BPTF: variants seen among roughly 807,000 people sequenced by gnomAD.
The protein encoded by BPTF is nucleosome-remodeling factor subunit BPTF.
Under a neutral mutation model 292.5 loss-of-function variants are expected in BPTF, and 18 were observed. The observed-to-expected ratio is 0.06, with a 90% CI of 0.04 to 0.09. The LOEUF is 0.09. BPTF is among the 10% of genes least tolerant of loss of function. The pLI is 1.00. For missense variants in BPTF, 2,726 were observed against 3,498.7 expected (o/e 0.78, Z 5.57); for synonymous variants, 1,225 against 1,251.9 (o/e 0.98, Z 0.45).
chr17:67,940,366 G>A (rs745666969), intron 18 of BPTF, 73 bp from the exon 19 acceptor site: 1 of 1,275,312 alleles, frequency 7.8e-7, no homozygotes, highest in Non-Finnish European at 1.1e-6. Context: ...GTTCATGTGA[G>A]GTGTTGAATT....
At position 67,891,851 on chromosome 17, in the gene BPTF, T is replaced by A. The variant is rs1406939707; in HGVS notation, c.1872T>A (p.Asp624Glu). The A allele has an allele frequency of 6.3e-7, 1 of 1,589,396 alleles. No individual in the cohort carries two copies. The highest frequency in any genetic ancestry group is 1.4e-5 in the African/African-American group (1 of 73,586). The change falls in exon 5 of 28, where the codon GAT (aspartate) becomes GAA (glutamate). Residue 624 changes from aspartate (D) to glutamate (E), a missense_variant. Physicochemically the swap from Asp to Glu is conservative, Grantham distance 45. Transcript: ENST00000306378. ...DPEQGKSEVGDFKSEKSNGEL... is the reference protein window; with the variant it reads ...DPEQGKSEVGEFKSEKSNGEL... ...GGCCTATTCATTTGACAGTAGGTGA[T>A]TTCAAATCGGAGAAGTCCAACGGGG...
intron 7 of BPTF, among the ~76,000 whole-genome samples, chr17:67,901,150 C>A (rs2146563468): frequency 6.6e-6 from 1 of 151,852 alleles, no homozygotes; most frequent in South Asian, 2.1e-4. Context: ...ACAGAAGAAG[C>A]AAATCAGTAG....
chr17:67,944,948 T>G (rs893335177), intron 20 of BPTF, among the ~76,000 whole-genome samples: 16 of 152,024 alleles, frequency 1.1e-4, no homozygotes, highest in Non-Finnish European at 2.1e-4. Context: ...CTTCCCAGTT[T>G]CAGAGCGTCC....
chr17:67,829,855 A>C, intron 1 of BPTF, among the ~76,000 whole-genome samples: 1 of 152,184 alleles, frequency 6.6e-6, no homozygotes. Flanking sequence ...TAATACAAGA[A>C]ATAACTCAGT....
intron 3 of BPTF, 83 bp downstream of exon 3, chr17:67,866,770 G>A (rs1376177813): frequency 8.9e-7 from 1 of 1,126,566 alleles, no homozygotes; most frequent in African/African-American, 1.6e-5. Context: ...TTTGAAAATA[G>A]ATTAAAATTT....
intron 23 of BPTF, among the ~76,000 whole-genome samples, chr17:67,953,504 C>T (rs1460016821): frequency 6.6e-6 from 1 of 151,886 alleles, no homozygotes; most frequent in African/African-American, 2.4e-5. Flanking sequence ...GTGATCCACC[C>T]ACTGCAGCCT....
intron 23 of BPTF, among the ~76,000 whole-genome samples, chr17:67,953,661 C>T (rs1347270737): frequency 4.6e-5 from 7 of 151,012 alleles, no homozygotes; most frequent in Non-Finnish European, 8.8e-5. Flanking sequence ...CTGCAATCTC[C>T]ACCTCCCAGG....
chr17:67,865,262 T>C (rs1047980479), intron 2 of BPTF, among the ~76,000 whole-genome samples: 9 of 152,250 alleles, frequency 5.9e-5, no homozygotes, highest in African/African-American at 1.9e-4. Context: ...TTATCTGTGA[T>C]TTAATATAGG....
chr17:67,869,827 C>CTAAAAAAAAAAAAAA (rs2059606190), intron 3 of BPTF, among the ~76,000 whole-genome samples: 1 of 56,446 alleles, frequency 1.8e-5, no homozygotes, highest in Non-Finnish European at 3.5e-5. Flanking sequence ...ACTAAAAATA[C>CTAAAAAAAAAAAAAA]AAAAAAAAAA....
At chr17:67,879,554 T>G (rs772374289) in intron 4 of BPTF, among the ~76,000 whole-genome samples, 5 of 152,204 alleles carry the variant, frequency 3.3e-5, no homozygotes, top group Non-Finnish European at 7.3e-5. Context: ...GCTATCTTAG[T>G]CCATTTGTGT....
intron 26 of BPTF, among the ~76,000 whole-genome samples, chr17:67,969,779 A>G (rs1555689833): frequency 6.6e-6 from 1 of 152,072 alleles, no homozygotes; most frequent in African/African-American, 2.4e-5. Flanking sequence ...CCTGGGCAAC[A>G]TAGTGAGATC....
chr17:67,920,730 G>A (rs751610967), intron 13 of BPTF, among the ~76,000 whole-genome samples: 7 of 152,096 alleles, frequency 4.6e-5, no homozygotes, highest in Non-Finnish European at 1.0e-4. Context: ...AGCTAAGAGA[G>A]TAATATTGGA....
At chr17:67,935,801 G>A (rs930954964) in intron 18 of BPTF, among the ~76,000 whole-genome samples, 2 of 152,128 alleles carry the variant, frequency 1.3e-5, no homozygotes, top group African/African-American at 4.8e-5. Context: ...GTTTCAGTGA[G>A]CCAAGATTGC....
At chr17:67,866,325 A>G (rs2059388858) in intron 2 of BPTF, 139 bp from the exon 3 acceptor site, 1 of 663,102 alleles carries the variant, frequency 1.5e-6, no homozygotes, top group Non-Finnish European at 2.6e-6. Context: ...TTTGAGTGAG[A>G]CCTGCAGGGT....
chr17:67,871,160 A>G (rs2059707777), intron 3 of BPTF, among the ~76,000 whole-genome samples: 1 of 152,134 alleles, frequency 6.6e-6, no homozygotes, highest in Non-Finnish European at 1.5e-5. Context: ...TATTTTTGAT[A>G]GTTAAATTTT....
chr17:67,959,097 G>C (rs2067222122), intron 23 of BPTF, among the ~76,000 whole-genome samples: 1 of 152,156 alleles, frequency 6.6e-6, no homozygotes, highest in Admixed American at 6.6e-5. Flanking sequence ...GCTTTATGCT[G>C]GTCAGACCAC....
chr17:67,909,783 G>C, intron 10 of BPTF, 22 bp downstream of exon 10: 1 of 1,513,890 alleles, frequency 6.6e-7, no homozygotes. Context: ...CAGCTGTGGA[G>C]GGCAGCCTGG....
At chr17:67,847,438 G>A (rs928875926) in intron 1 of BPTF, among the ~76,000 whole-genome samples, 2 of 151,882 alleles carry the variant, frequency 1.3e-5, no homozygotes, top group East Asian at 1.9e-4. Flanking sequence ...AGCGTGAACC[G>A]GGGAGGCAGA....
intron 11 of BPTF, among the ~76,000 whole-genome samples, chr17:67,916,514 C>T (rs961596164): frequency 4.0e-5 from 6 of 151,592 alleles, no homozygotes; most frequent in Middle Eastern, 3.4e-3. Flanking sequence ...CACTTGAACC[C>T]GGGAGGCGGA....
Sources: gnomAD v4.1 joint callset for allele counts (sites outside exome capture counted in the v4.1 genomes callset) on GRCh38, gnomAD v4.1.1 for gene constraint, MANE v1.5 for transcripts, NCBI Gene and HGNC (gene_info 2026-07-23, HGNC 2026-07-21) for gene names.